The following SLC67A1 variants were observed in gnomAD, a reference collection of about 807,000 sequenced individuals.
SLC67A1 encodes the protein solute carrier family 67 member A1.
At chr11:2,921,492 T>C in the SLC67A1 span, 1 of 160,096 alleles carries the variant, frequency 6.2e-6, no homozygotes, top group Non-Finnish European at 1.4e-5. Context: ...CCCTGCTTAG[T>C]GGAGGAGCTG....
At chr11:2,905,607 T>C in the SLC67A1 span, among the ~76,000 whole-genome samples, 259 of 152,312 alleles carry the variant, frequency 1.7e-3, 1 homozygote, top group Middle Eastern at 0.01. Flanking sequence ...TCCAAGTCTT[T>C]GCTATTGTAA....
the SLC67A1 span, chr11:2,922,501 C>T: frequency 1.2e-6 from 2 of 1,613,056 alleles, no homozygotes; most frequent in Non-Finnish European, 8.5e-7. Context: ...GCCTCTGCAC[C>T]CTCAACGTGG....
At chr11:2,915,498 G>A in the SLC67A1 span, among the ~76,000 whole-genome samples, 2 of 152,182 alleles carry the variant, frequency 1.3e-5, no homozygotes, top group Admixed American at 6.5e-5. Context: ...AACTTGTGCT[G>A]CGTGTGTGAA....
the SLC67A1 span, chr11:2,925,214 G>A: frequency 6.2e-7 from 1 of 1,608,510 alleles, no homozygotes; most frequent in Non-Finnish European, 8.5e-7. The surrounding 1 kb of genome is among the most constrained non-coding windows in gnomAD (Gnocchi z 6.5). Context: ...CCCAGACACA[G>A]ACTGGCAATA....
At chr11:2,924,060 G>A in the SLC67A1 span, among the ~76,000 whole-genome samples, 30 of 152,358 alleles carry the variant, frequency 2.0e-4, no homozygotes, top group Admixed American at 1.0e-3. The surrounding 1 kb of genome is among the most constrained non-coding windows in gnomAD (Gnocchi z 8.6). Context: ...ACCAGAGGCA[G>A]TGTCCTCCCA....
the SLC67A1 span, among the ~76,000 whole-genome samples, chr11:2,923,254 C>G: frequency 6.6e-6 from 1 of 152,170 alleles, no homozygotes; most frequent in Non-Finnish European, 1.5e-5. The surrounding 1 kb of genome is among the most constrained non-coding windows in gnomAD (Gnocchi z 6.5). Flanking sequence ...TTCTTCCAGG[C>G]CTCCCCAGCA....
chr11:2,915,297 G>GCA, the SLC67A1 span: 7 of 904,902 alleles, frequency 7.7e-6, no homozygotes, highest in East Asian at 4.8e-4. Flanking sequence ...GTGTGTGTGT[G>GCA]CGCATGTGGC....
At chr11:2,919,787 G>A in the SLC67A1 span, 7 of 215,490 alleles carry the variant, frequency 3.2e-5, no homozygotes, top group East Asian at 1.3e-4. Flanking sequence ...TTAGACCAGC[G>A]TGGGCCCCTT....
At chr11:2,910,247 G>A in the SLC67A1 span, among the ~76,000 whole-genome samples, 2 of 152,148 alleles carry the variant, frequency 1.3e-5, no homozygotes, top group African/African-American at 4.8e-5. Flanking sequence ...GGTGGGGTGG[G>A]TAGTTTGAAC....
chr11:2,903,797 G>A, the SLC67A1 span: 1,163 of 402,414 alleles, frequency 2.9e-3, 11 homozygotes, highest in African/African-American at 0.02. Flanking sequence ...CCTCTCACCC[G>A]GCAGCCTTTG....
chr11:2,900,467 G>A, the SLC67A1 span, among the ~76,000 whole-genome samples: 1 of 151,422 alleles, frequency 6.6e-6, no homozygotes, highest in Non-Finnish European at 1.5e-5. Flanking sequence ...CCGAGGGGGG[G>A]CGGATCACGA....
the SLC67A1 span, chr11:2,925,083 G>C: frequency 5.6e-6 from 9 of 1,613,828 alleles, no homozygotes; most frequent in Non-Finnish European, 8.5e-7. This position sits in a 1 kb window ranked among gnomAD's most constrained non-coding sequence, Gnocchi z 6.5. Flanking sequence ...GCGGCCTCCT[G>C]TACCGCAGCT....
At chr11:2,913,783 A>G in the SLC67A1 span, among the ~76,000 whole-genome samples, 1 of 152,214 alleles carries the variant, frequency 6.6e-6, no homozygotes, top group Admixed American at 6.5e-5. Flanking sequence ...ACCTGGGCAC[A>G]TGCTGTCACC....
the SLC67A1 span, chr11:2,917,074 C>T: frequency 3.4e-6 from 1 of 293,174 alleles, no homozygotes; most frequent in Non-Finnish European, 6.7e-6. Context: ...GGAGGGACCC[C>T]CCCAATGGGG....
At chr11:2,918,457 G>C in the SLC67A1 span, among the ~76,000 whole-genome samples, 13 of 152,384 alleles carry the variant, frequency 8.5e-5, no homozygotes, top group South Asian at 2.7e-3. Context: ...TGCTGGCCCT[G>C]GGCCCTCTCA....
chr11:2,907,220 G>T, the SLC67A1 span, among the ~76,000 whole-genome samples: 1 of 151,836 alleles, frequency 6.6e-6, no homozygotes, highest in South Asian at 2.1e-4. The surrounding 1 kb of genome is among the most constrained non-coding windows in gnomAD (Gnocchi z 6.7). Flanking sequence ...AGGGGAGGGG[G>T]CGGGGGCGGT....
chr11:2,900,044 C>T, the SLC67A1 span, among the ~76,000 whole-genome samples: 5 of 152,284 alleles, frequency 3.3e-5, no homozygotes, highest in East Asian at 3.9e-4. Context: ...ATCTAAGACA[C>T]TCTGAGACTC....
the SLC67A1 span, chr11:2,902,480 C>T: frequency 2.3e-5 from 10 of 429,542 alleles, no homozygotes; most frequent in Non-Finnish European, 2.9e-5. Flanking sequence ...GGCTGCCCTG[C>T]TCCCCCCAGC....
chr11:2,900,233 A>G, the SLC67A1 span, among the ~76,000 whole-genome samples: 3,036 of 152,296 alleles, frequency 0.02, 106 homozygotes, highest in African/African-American at 0.069. Context: ...CCAGATGCAA[A>G]CACGTTTGCA....
Sources: allele counts gnomAD v4.1 joint callset (sites outside exome capture counted in the v4.1 genomes callset), GRCh38; gene constraint gnomAD v4.1.1; non-coding constraint Gnocchi (gnomAD v3.1); transcripts MANE v1.5; gene names NCBI Gene and HGNC (gene_info 2026-07-23, HGNC 2026-07-21).